Variants in SLC15A4 observed in about 807,000 individuals in gnomAD.
SLC15A4 encodes hPHT1.
In SLC15A4, 26 loss-of-function variants were observed where a neutral mutation model predicts 46.1. The observed-to-expected ratio is 0.56, with a 90% CI of 0.41 to 0.78. The LOEUF is 0.78. Among genes scored for constraint, SLC15A4 ranks in the 30% least tolerant of loss-of-function variants. The pLI is 0.00. For synonymous variants in SLC15A4, 370 were observed against 333.4 expected (o/e 1.11, Z -1.20); for missense variants, 751 against 755.7 (o/e 0.99, Z 0.07).
chr12:128,796,045 T>A (rs1306827016), intron 7 of SLC15A4, among the ~76,000 whole-genome samples: 2 of 152,254 alleles, frequency 1.3e-5, no homozygotes, highest in African/African-American at 2.4e-5. Flanking sequence ...AAGACCTTTT[T>A]AAAGCTGGGT....
chr12:128,817,323 C>T (rs148088402), intron 1 of SLC15A4, among the ~76,000 whole-genome samples: 188 of 152,110 alleles, frequency 1.2e-3, no homozygotes, highest in African/African-American at 4.4e-3. Context: ...TAGACATGGA[C>T]CAGGAAGAAA....
intron 5 of SLC15A4, among the ~76,000 whole-genome samples, chr12:128,808,160 T>C (rs1955611518): frequency 1.3e-5 from 2 of 152,198 alleles, no homozygotes; most frequent in Non-Finnish European, 2.9e-5. Context: ...CAGCAAAAGA[T>C]AAACAACTCA....
At chr12:128,814,274 C>T (rs3741614) in intron 2 of SLC15A4, 10,968 of 129,058 alleles carry the variant, frequency 0.085, 203 homozygotes, top group South Asian at 0.14. Context: ...ACCTGACCGC[C>T]GTATGATGGA....
rs563708242 is a variant in SLC15A4 at position 128,796,339 on chromosome 12, T to C, written c.1574-1983A>G. On this transcript the variant is annotated intron_variant, in intron 7 of 7. Transcript: ENST00000266771. ...GCTTGGGAGGCTGAGGCCAGAGAATTGTCACTTGAACCCGGGAGGTGAAAG... is the reference window on the plus strand; with the variant it reads ...GCTTGGGAGGCTGAGGCCAGAGAATCGTCACTTGAACCCGGGAGGTGAAAG... 1.2e-3 allele frequency among the ~76,000 whole-genome samples: 176 copies of C among 148,090 alleles called. 1 individual carries two copies. Among genetic ancestry groups the C allele is most frequent in the African/African-American group, 4.3e-3 (170 of 39,894 alleles).
At chr12:128,794,768 C>G (rs1955426345) in intron 7 of SLC15A4, among the ~76,000 whole-genome samples, 1 of 152,220 alleles carries the variant, frequency 6.6e-6, no homozygotes, top group Non-Finnish European at 1.5e-5. Context: ...GGCCGCACGA[C>G]AAGGCTGCAA....
intron 5 of SLC15A4, 78 bp from the exon 6 acceptor site, chr12:128,801,087 G>A (rs1048810306): frequency 1.8e-5 from 25 of 1,366,572 alleles, no homozygotes; most frequent in East Asian, 1.2e-4. Flanking sequence ...TGTTGGCTAC[G>A]AGACTTCGTA....
At chr12:128,804,701 G>A (rs1244496793) in intron 5 of SLC15A4, among the ~76,000 whole-genome samples, 1 of 152,224 alleles carries the variant, frequency 6.6e-6, no homozygotes, top group Non-Finnish European at 1.5e-5. Flanking sequence ...CTGCACTCCA[G>A]CCTGGGTGAT....
At chr12:128,800,716 T>A in intron 6 of SLC15A4, 138 bp downstream of exon 6, 1 of 859,622 alleles carries the variant, frequency 1.2e-6, no homozygotes, top group Non-Finnish European at 1.7e-6. Flanking sequence ...GCGATTCATA[T>A]TCTAAACCAC....
In SLC15A4 at chr12:128,799,331, A is replaced by T; in HGVS notation, c.1501T>A (p.Phe501Ile). The T allele has an allele frequency of 1.9e-6, 3 of 1,614,112 alleles. No homozygotes were observed. The highest frequency in any genetic ancestry group is 2.5e-6 in the Non-Finnish European group (3 of 1,180,024). Residue 501 changes from phenylalanine (F) to isoleucine (I), a missense_variant, in exon 7 of 8, where the codon TTC (phenylalanine) becomes ATC (isoleucine). Physicochemically the swap from Phe to Ile is conservative, Grantham distance 21 (BLOSUM62 0). Coordinates refer to ENST00000266771, the MANE Select transcript of SLC15A4 (RefSeq NM_145648.4). ...AGTGCCAGCAGTCCAGAACCCACGA[A>T]CGACCCGACGCCAGAGAAGAAAAAG... ...LFFFFSGVGS[F>I]VGSGLLALVS...
At chr12:128,796,427 CTCAAAAAAAAAA>C (rs1403884909) in intron 7 of SLC15A4, among the ~76,000 whole-genome samples, 3 of 41,732 alleles carry the variant, frequency 7.2e-5, no homozygotes, top group Admixed American at 5.5e-4. Flanking sequence ...GAAACTCCAT[CTCAAAAAAAAAA>C]AAAAAAAAAA....
intron 2 of SLC15A4, chr12:128,813,089 T>C (rs111628466): frequency 6.6e-5 from 10 of 152,304 alleles, no homozygotes; most frequent in Non-Finnish European, 1.3e-4. Flanking sequence ...ACTTTAAGGG[T>C]TGTTCCTGAA....
intron 1 of SLC15A4, among the ~76,000 whole-genome samples, chr12:128,820,036 A>C (rs1406049400): frequency 6.6e-6 from 1 of 152,226 alleles, no homozygotes; most frequent in Non-Finnish European, 1.5e-5. Context: ...AGGCTTAAAT[A>C]AGATCACGTG....
intron 1 of SLC15A4, among the ~76,000 whole-genome samples, chr12:128,816,530 G>A (rs1379737495): frequency 6.6e-6 from 1 of 151,968 alleles, no homozygotes; most frequent in Non-Finnish European, 1.5e-5. Flanking sequence ...TTCTCAATGG[G>A]GCCAAAACAA....
At chr12:128,806,328 C>A (rs2135711520) in intron 5 of SLC15A4, among the ~76,000 whole-genome samples, 1 of 152,068 alleles carries the variant, frequency 6.6e-6, no homozygotes, top group African/African-American at 2.4e-5. Context: ...TTAAACGTCA[C>A]TAATAACGTG....
chr12:128,822,782 C>A (rs529433302), intron 1 of SLC15A4, among the ~76,000 whole-genome samples: 15 of 152,164 alleles, frequency 9.9e-5, no homozygotes, highest in Admixed American at 2.6e-4. Context: ...GTGATCCACC[C>A]ACCTCGGCCT....
At chr12:128,812,387 G>T (rs549408748) in intron 2 of SLC15A4, among the ~76,000 whole-genome samples, 34 of 151,878 alleles carry the variant, frequency 2.2e-4, no homozygotes, top group Admixed American at 1.6e-3. Flanking sequence ...TGGTGTGATC[G>T]CGGCTCACTG....
In SLC15A4 at chr12:128,805,536, A is replaced by AT. The variant is rs539829451; in HGVS notation, c.1258+3251dup. Among the ~76,000 whole-genome samples the AT allele has an allele frequency of 2.6e-3, 401 of 152,074 alleles. 1 individual carries two copies. The Middle Eastern group carries it at 0.031, about 12-fold the overall frequency. ...GATTCCATAAATAAAATTATAGGAA[A>AT]TTTTTTTTCTTTTTGAGACAGAGTC... On this transcript the variant is annotated intron_variant, in intron 5 of 7. Coordinates refer to ENST00000266771, the MANE Select transcript of SLC15A4 (RefSeq NM_145648.4).
intron 2 of SLC15A4, 31 bp downstream of exon 2, chr12:128,814,744 A>C: frequency 6.2e-7 from 1 of 1,603,490 alleles, no homozygotes; most frequent in Non-Finnish European, 8.5e-7. Flanking sequence ...AAGTCCTTTC[A>C]AACAGCCCAA....
rs1196083607 is a variant in SLC15A4 at position 128,823,464 on chromosome 12, C to G, written c.480G>C (p.Gly160=). 1.4e-6 allele frequency: 2 copies of G among 1,481,060 alleles called. No homozygotes were observed. The highest frequency in any genetic ancestry group is 1.8e-6 in the Non-Finnish European group (2 of 1,122,940). 91.7% of individuals were successfully genotyped at this position (1,481,060 alleles called of 1,614,324 possible). ...CCACGCCCAGGCCCACCAGCACCAGCCCCGCGAAGGTGGCCGGTGAGCAGC... is the reference window on the plus strand; with the variant it reads ...CCACGCCCAGGCCCACCAGCACCAGGCCCGCGAAGGTGGCCGGTGAGCAGC... ...ARCCSPATFA[G]LVLVGLGVAT... The change falls in exon 1 of 8, where the codon GGG becomes GGC. Residue 160 remains glycine, a synonymous_variant. Coordinates refer to ENST00000266771, the MANE Select transcript of SLC15A4 (RefSeq NM_145648.4).
Sources: allele counts gnomAD v4.1 joint callset (sites outside exome capture counted in the v4.1 genomes callset), GRCh38; gene constraint gnomAD v4.1.1; transcripts MANE v1.5; gene names NCBI Gene and HGNC (gene_info 2026-07-23, HGNC 2026-07-21).